XKR6: variants seen among roughly 807,000 people sequenced by gnomAD.
XKR6 encodes XK related 6.
In XKR6, 22 loss-of-function variants were observed where a neutral mutation model predicts 56.7. That is an observed-to-expected ratio of 0.39 (90% CI 0.28 to 0.55). The LOEUF is 0.55. XKR6 is among the 20% of genes least tolerant of loss of function. The pLI is 0.66. For missense variants in XKR6, 852 were observed against 889.0 expected (o/e 0.96, Z 0.53); for synonymous variants, 524 against 387.8 (o/e 1.35, Z -4.13).
intron 1 of XKR6, among the ~76,000 whole-genome samples, chr8:11,129,979 T>C (rs1381340036): frequency 6.6e-6 from 1 of 152,112 alleles, no homozygotes; most frequent in Non-Finnish European, 1.5e-5. Flanking sequence ...TAGTTCCAGA[T>C]TGAATGGGAA....
intron 1 of XKR6, chr8:11,137,956 G>T: frequency 2.9e-6 from 1 of 343,056 alleles, no homozygotes; most frequent in South Asian, 2.3e-5. Context: ...AACCCACCAG[G>T]CTCATTCTCT....
intron 1 of XKR6, among the ~76,000 whole-genome samples, chr8:11,041,656 T>C (rs1177458524): frequency 6.6e-6 from 1 of 151,434 alleles, no homozygotes; most frequent in Non-Finnish European, 1.5e-5. Context: ...ACGTGGGTAG[T>C]GGGGTTGTGG....
intron 1 of XKR6, among the ~76,000 whole-genome samples, chr8:11,034,856 C>T (rs113249517): frequency 0.011 from 1,600 of 152,328 alleles, 16 homozygotes; most frequent in African/African-American, 0.037. Flanking sequence ...CCATCCATAC[C>T]GGCCAGCCTT....
chr8:11,162,557 A>G (rs544439508), intron 1 of XKR6, among the ~76,000 whole-genome samples: 8 of 152,240 alleles, frequency 5.3e-5, no homozygotes, highest in Non-Finnish European at 1.0e-4. Context: ...CTAAATTGCA[A>G]AGTGAAAATT....
intron 1 of XKR6, among the ~76,000 whole-genome samples, chr8:11,153,269 G>A (rs990910348): frequency 6.6e-6 from 1 of 152,150 alleles, no homozygotes; most frequent in East Asian, 1.9e-4. Flanking sequence ...ACTGGGTCAA[G>A]AGAGAGCATG....
chr8:11,062,420 C>T (rs1321221978), intron 1 of XKR6, among the ~76,000 whole-genome samples: 1 of 152,194 alleles, frequency 6.6e-6, no homozygotes, highest in Admixed American at 6.5e-5. Flanking sequence ...TTAGCCCCAA[C>T]TCTCCTTATC....
intron 1 of XKR6, among the ~76,000 whole-genome samples, chr8:10,961,701 G>C (rs376829125): frequency 6.6e-6 from 1 of 152,216 alleles, no homozygotes; most frequent in Non-Finnish European, 1.5e-5. Context: ...AGCCCAGGGA[G>C]CTGGAAAAAT....
intron 1 of XKR6, among the ~76,000 whole-genome samples, chr8:11,015,726 G>T (rs1030536782): frequency 6.6e-6 from 1 of 152,214 alleles, no homozygotes; most frequent in African/African-American, 2.4e-5. Flanking sequence ...AAAGCCGGGG[G>T]CGGGCTCGGG....
At chr8:11,153,897 G>C (rs1023675881) in intron 1 of XKR6, among the ~76,000 whole-genome samples, 4 of 152,150 alleles carry the variant, frequency 2.6e-5, no homozygotes, top group African/African-American at 9.7e-5. Flanking sequence ...ACCATTACCA[G>C]GGGTGAAACG....
intron 1 of XKR6, among the ~76,000 whole-genome samples, chr8:11,177,604 C>T (rs576134080): frequency 5.3e-5 from 8 of 152,274 alleles, no homozygotes; most frequent in South Asian, 2.1e-4. Context: ...CCAACATGAC[C>T]GGTTTCCTTA....
At chr8:11,070,951 C>G (rs1341832095) in intron 1 of XKR6, among the ~76,000 whole-genome samples, 1 of 152,214 alleles carries the variant, frequency 6.6e-6, no homozygotes, top group Non-Finnish European at 1.5e-5. Context: ...AACAAATCAA[C>G]CAACCCATCA....
At chr8:11,032,624 G>C (rs564752696) in intron 1 of XKR6, among the ~76,000 whole-genome samples, 1 of 152,088 alleles carries the variant, frequency 6.6e-6, no homozygotes, top group Non-Finnish European at 1.5e-5. Flanking sequence ...GGAAGTTGAG[G>C]GCAAGACTGT....
At chr8:11,177,498 C>T (rs919426054) in intron 1 of XKR6, among the ~76,000 whole-genome samples, 2 of 152,180 alleles carry the variant, frequency 1.3e-5, no homozygotes, top group South Asian at 4.1e-4. Context: ...AACCCCCTCC[C>T]CCAAAAATTC....
intron 1 of XKR6, among the ~76,000 whole-genome samples, chr8:11,186,527 C>T (rs929630053): frequency 6.6e-6 from 1 of 152,116 alleles, no homozygotes; most frequent in African/African-American, 2.4e-5. Context: ...ACAGGTGTGC[C>T]ACACCACATC....
chr8:11,187,350 C>T lies in XKR6; in HGVS notation c.764+13226G>A, dbSNP rs116998316. Among the ~76,000 whole-genome samples the T allele has an allele frequency of 3.3e-3, 498 of 152,284 alleles. 3 individuals are homozygous for T. Among genetic ancestry groups the T allele is most frequent in the Admixed American group, 5.1e-3 (78 of 15,304 alleles). On this transcript the variant is annotated intron_variant, in intron 1 of 2. Coordinates refer to ENST00000416569, the MANE Select transcript of XKR6 (RefSeq NM_173683.4). ...CCTTGAAACACTATAGGATATCTCC[C>T]AAACAAGAACTTCCCAATGCAACTG...
intron 1 of XKR6, among the ~76,000 whole-genome samples, chr8:10,999,625 G>C (rs145183699): frequency 2.0e-4 from 30 of 152,234 alleles, no homozygotes; most frequent in Admixed American, 8.5e-4. Context: ...TGGTTTTATA[G>C]AACCAAAATA....
chr8:11,192,683 T>C (rs755951598), intron 1 of XKR6, among the ~76,000 whole-genome samples: 1 of 152,180 alleles, frequency 6.6e-6, no homozygotes, highest in African/African-American at 2.4e-5. Flanking sequence ...TATTTCCCTG[T>C]GTGCTTCAAA....
intron 1 of XKR6, among the ~76,000 whole-genome samples, chr8:11,102,062 A>G (rs1798503734): frequency 6.6e-6 from 1 of 152,234 alleles, no homozygotes; most frequent in Non-Finnish European, 1.5e-5. Context: ...GGATGGGTCC[A>G]GGAGTGGCTG....
chr8:11,007,454 T>C (rs1207853762), intron 1 of XKR6, among the ~76,000 whole-genome samples: 2 of 152,154 alleles, frequency 1.3e-5, no homozygotes, highest in African/African-American at 4.8e-5. Flanking sequence ...GCCAAAATCA[T>C]GCCTACAGCA....
Sources: gnomAD v4.1 joint callset for allele counts (sites outside exome capture counted in the v4.1 genomes callset) on GRCh38, gnomAD v4.1.1 for gene constraint, MANE v1.5 for transcripts, NCBI Gene and HGNC (gene_info 2026-07-23, HGNC 2026-07-21) for gene names.